Variants in CGNL1 observed in about 807,000 individuals in gnomAD.
CGNL1 encodes cingulin-like protein 1.
In CGNL1, 132 loss-of-function variants were observed where a neutral mutation model predicts 141.2. The ratio of observed to expected loss-of-function variants is 0.93; its 90% CI spans 0.81 to 1.08. The LOEUF is 1.08. CGNL1 is among the 50% of genes least tolerant of loss of function. The pLI is 0.00. For missense variants in CGNL1, 1,870 were observed against 1,588.6 expected (o/e 1.18, Z -3.01); for synonymous variants, 690 against 622.1 (o/e 1.11, Z -1.63).
chr15:57,468,782 A>G (rs973726682), intron 8 of CGNL1, among the ~76,000 whole-genome samples: 5 of 152,080 alleles, frequency 3.3e-5, no homozygotes, highest in Admixed American at 1.3e-4. Flanking sequence ...TGTGGGAGGG[A>G]CTGGTGGGAG....
chr15:57,411,688 A>G (rs145885537), intron 1 of CGNL1, among the ~76,000 whole-genome samples: 240 of 150,522 alleles, frequency 1.6e-3, no homozygotes, highest in African/African-American at 5.7e-3. Flanking sequence ...CAGGTGATCC[A>G]CCCACCTCAG....
rs2032938377 is a variant in CGNL1 at position 57,547,586 on chromosome 15, G to A, written c.*96G>A. 5.6e-6 allele frequency: 8 copies of A among 1,416,480 alleles called. No homozygotes were observed. The highest frequency in any genetic ancestry group is 6.8e-6 in the Non-Finnish European group (7 of 1,033,382). 87.7% of individuals were successfully genotyped at this position (1,416,480 alleles called of 1,614,324 possible). A position where few individuals can be genotyped will look rare whatever the true frequency, so the allele number is the denominator to read the frequency against. On this transcript the variant is annotated 3_prime_UTR_variant, in exon 19 of 19. Coordinates refer to ENST00000281282, the MANE Select transcript of CGNL1 (RefSeq NM_032866.5). ...GAGGGGAGCATCTGTCTGCCACTGA[G>A]ACCAATCACAGCCTCTTTGCACAGC...
At chr15:57,503,796 C>T (rs1221019585) in intron 8 of CGNL1, among the ~76,000 whole-genome samples, 1 of 152,152 alleles carries the variant, frequency 6.6e-6, no homozygotes, top group African/African-American at 2.4e-5. Context: ...CTCTAATAAA[C>T]CCATCAGATC....
chr15:57,498,984 G>T (rs187692702), intron 8 of CGNL1, among the ~76,000 whole-genome samples: 1 of 152,112 alleles, frequency 6.6e-6, no homozygotes, highest in East Asian at 1.9e-4. Flanking sequence ...CCTTAAGAGC[G>T]CAAGAAGGCC....
chr15:57,407,315 T>C (rs192044778), intron 1 of CGNL1: 1 of 152,200 alleles, frequency 6.6e-6, no homozygotes, highest in African/African-American at 2.4e-5. Context: ...ATTTTGTGAA[T>C]TACTTCTATT....
At chr15:57,501,165 G>A (rs555983511) in intron 8 of CGNL1, among the ~76,000 whole-genome samples, 1 of 152,278 alleles carries the variant, frequency 6.6e-6, no homozygotes, top group African/African-American at 2.4e-5. Flanking sequence ...TGGAGGCCCT[G>A]CCCAGAAGGG....
Position 57,523,624 on chromosome 15 carries a change from G to C in CGNL1, c.2851G>C (p.Glu951Gln). 1 of 1,614,130 alleles carries C rather than the reference G, an allele frequency of 6.2e-7. No homozygotes were observed. Among genetic ancestry groups the C allele is most frequent in the Non-Finnish European group, 8.5e-7 (1 of 1,180,022 alleles). ...NERWHLGKTI[E>Q]KLQKEMADIV... ...GCGGTGGCACCTGGGCAAAACCATT[G>C]AGAAACTGCAGAAGGAGGTGAGGGG... The change falls in exon 11 of 19, where the codon GAG becomes CAG. Residue 951 changes from glutamate to glutamine, a missense_variant. Transcript: ENST00000281282.
At chr15:57,399,686 G>A (rs191409858) in intron 1 of CGNL1, among the ~76,000 whole-genome samples, 234 of 151,968 alleles carry the variant, frequency 1.5e-3, no homozygotes, top group African/African-American at 5.4e-3. Context: ...TTTTGTCTTC[G>A]GAGCGGAGTA....
chr15:57,487,907 G>A (rs991592581), intron 8 of CGNL1, among the ~76,000 whole-genome samples: 2 of 152,176 alleles, frequency 1.3e-5, no homozygotes, highest in Admixed American at 6.5e-5. Flanking sequence ...ATGGACGGAC[G>A]TTTTCATTTC....
At chr15:57,399,991 C>A (rs2062641606) in intron 1 of CGNL1, among the ~76,000 whole-genome samples, 1 of 120,370 alleles carries the variant, frequency 8.3e-6, no homozygotes, top group Non-Finnish European at 1.7e-5. Context: ...TGCTGTATTT[C>A]TAATACCTTT....
intron 14 of CGNL1, among the ~76,000 whole-genome samples, chr15:57,538,336 G>A (rs1044892172): frequency 6.6e-6 from 1 of 152,224 alleles, no homozygotes; most frequent in Non-Finnish European, 1.5e-5. Flanking sequence ...TGGACTGCCT[G>A]CTCAGGTCAC....
Position 57,439,593 on chromosome 15 carries a change from A to G in CGNL1, c.1594A>G (p.Asn532Asp), listed in dbSNP as rs374044556. 1.2e-6 allele frequency: 2 copies of G among 1,612,950 alleles called. No homozygotes were observed. The highest frequency in any genetic ancestry group is 1.3e-5 in the African/African-American group (1 of 74,884). ...ISVKTFPSASNTQATPDLLKG... is the reference protein window; with the variant it reads ...ISVKTFPSASDTQATPDLLKG... ...CGTGAAGACATTTCCTTCGGCCTCA[A>G]ATACTCAGGTAACACTAGTGCGATT... The change falls in exon 2 of 19, where the codon AAT becomes GAT. Residue 532 changes from asparagine (N) to aspartate (D), a missense_variant. Coordinates refer to ENST00000281282, the MANE Select transcript of CGNL1 (RefSeq NM_032866.5).
At chr15:57,541,912 A>G (rs1336740681) in intron 14 of CGNL1, among the ~76,000 whole-genome samples, 1 of 152,156 alleles carries the variant, frequency 6.6e-6, no homozygotes, top group Non-Finnish European at 1.5e-5. Context: ...CCCCTCACCT[A>G]GGGGCAGAGG....
At chr15:57,546,567 C>T (rs964313672) in intron 18 of CGNL1, among the ~76,000 whole-genome samples, 1 of 152,094 alleles carries the variant, frequency 6.6e-6, no homozygotes, top group African/African-American at 2.4e-5. Context: ...CTGGGCCATC[C>T]TGGGCTTTTT....
chr15:57,474,713 A>G (rs2063629278), intron 8 of CGNL1, among the ~76,000 whole-genome samples: 1 of 152,226 alleles, frequency 6.6e-6, no homozygotes, highest in African/African-American at 2.4e-5. Context: ...ATATATTGCT[A>G]TACATGCATA....
intron 4 of CGNL1, among the ~76,000 whole-genome samples, chr15:57,446,226 A>G (rs531783287): frequency 6.6e-6 from 1 of 152,344 alleles, no homozygotes; most frequent in East Asian, 1.9e-4. Flanking sequence ...TATAACTTAT[A>G]TAAAGTAAAT....
At chr15:57,515,382 A>T (rs1455700012) in intron 8 of CGNL1, among the ~76,000 whole-genome samples, 1 of 152,228 alleles carries the variant, frequency 6.6e-6, no homozygotes, top group African/African-American at 2.4e-5. Flanking sequence ...AGCTTACTGT[A>T]CTGTTAAGAG....
chr15:57,428,550 G>A (rs1183271735), intron 1 of CGNL1, among the ~76,000 whole-genome samples: 1 of 152,192 alleles, frequency 6.6e-6, no homozygotes, highest in Non-Finnish European at 1.5e-5. Context: ...TAATCTACCA[G>A]AGAAGCCGTG....
intron 1 of CGNL1, among the ~76,000 whole-genome samples, chr15:57,413,058 A>C (rs1217859272): frequency 6.6e-6 from 1 of 151,610 alleles, no homozygotes; most frequent in East Asian, 2.0e-4. Context: ...ATGGGGTTTC[A>C]CCATGTTGGC....
Sources: allele counts gnomAD v4.1 joint callset (sites outside exome capture counted in the v4.1 genomes callset), GRCh38; gene constraint gnomAD v4.1.1; transcripts MANE v1.5; gene names NCBI Gene and HGNC (gene_info 2026-07-23, HGNC 2026-07-21).